The following NEB variants were observed in gnomAD, a reference collection of about 807,000 sequenced individuals.
NEB encodes nemaline myopathy type 2.
Under a neutral mutation model 952.2 loss-of-function variants are expected in NEB, and 512 were observed. The observed-to-expected ratio is 0.54, with a 90% CI of 0.50 to 0.58. NEB has a LOEUF of 0.58. Among genes scored for constraint, NEB ranks in the 20% least tolerant of loss-of-function variants. NEB has a pLI of 0.00. For missense variants in NEB, 8,428 were observed against 9,231.1 expected, an observed-to-expected ratio of 0.91 and a Z score of 3.56; for synonymous variants, 2,900 against 3,149.8, an observed-to-expected ratio of 0.92 and a Z score of 2.66.
Position 151,560,683 on chromosome 2 carries a change from G to A in NEB, c.19223C>T (p.Ala6408Val), listed in dbSNP as rs977096470. Reference sequence around the variant, plus strand: ...GCTGGTGGCTTTCACTCTATCCCAGGCCTCCTTGTACAGGTTCTGCAGGAA... The same window carrying A: ...GCTGGTGGCTTTCACTCTATCCCAGACCTCCTTGTACAGGTTCTGCAGGAA... ...NLYSSNLYKE[A>V]WDRVKATSYI... is the part of the protein sequence containing the mutation. Residue 6408 changes from alanine to valine, a missense_variant, in exon 124 of 182, where the codon GCC becomes GTC. Transcript: ENST00000397345. 2.5e-6 allele frequency: 4 copies of A among 1,611,136 alleles called. No homozygotes were observed. The highest frequency in any genetic ancestry group is 2.2e-5 in the East Asian group (1 of 44,740).
Position 151,533,564 on chromosome 2 carries a change from A to G in NEB, c.21313-18T>C. ...TATTTTCTCTGTCCATGCAAAGAGC[A>G]GTGAAGCACAAAAGAGACTTATGAA... On this transcript the variant is annotated intron_variant, in intron 142 of 181. Transcript: ENST00000397345. The G allele has an allele frequency of 6.8e-7, 1 of 1,475,464 alleles. No homozygotes were observed. The highest frequency in any genetic ancestry group is 9.3e-7 in the Non-Finnish European group (1 of 1,080,416). 91.4% of individuals were successfully genotyped at this position (1,475,464 alleles called of 1,614,324 possible). A position where few individuals can be genotyped will look rare whatever the true frequency, so the allele number is the denominator to read the frequency against.
intron 143 of NEB, among the ~76,000 whole-genome samples, chr2:151,532,731 G>A (rs1355455443): frequency 1.6e-5 from 2 of 124,762 alleles, no homozygotes; most frequent in Non-Finnish European, 3.4e-5. Flanking sequence ...GTTGCTAAGA[G>A]GAAAGCTCAA....
At chr2:151,514,185 G>T in intron 159 of NEB, 133 bp downstream of exon 159, 1 of 663,086 alleles carries the variant, frequency 1.5e-6, no homozygotes. Context: ...CAATTATGTT[G>T]ATATGGAATC....
At chr2:151,702,750 C>G (rs191490930) in intron 13 of NEB, among the ~76,000 whole-genome samples, 1 of 152,166 alleles carries the variant, frequency 6.6e-6, no homozygotes, top group Admixed American at 6.5e-5. Context: ...TTATTTTGAG[C>G]CTATGTGTGT....
chr2:151,728,507 G>A (rs960912406), intron 4 of NEB, among the ~76,000 whole-genome samples: 5 of 152,094 alleles, frequency 3.3e-5, no homozygotes, highest in African/African-American at 1.2e-4. Context: ...AATGTGAACC[G>A]GAGTGCCATT....
At chr2:151,530,381 G>GCTCTTCT (rs2089993024) in intron 145 of NEB, among the ~76,000 whole-genome samples, 1 of 152,092 alleles carries the variant, frequency 6.6e-6, no homozygotes, top group Non-Finnish European at 1.5e-5. Context: ...AAATTTCAGG[G>GCTCTTCT]TCGAGGGCCT....
chr2:151,657,861 T>C (rs1255287544), intron 48 of NEB, 122 bp downstream of exon 48: 4 of 716,882 alleles, frequency 5.6e-6, no homozygotes, highest in Non-Finnish European at 9.4e-6. Flanking sequence ...TTAAGAAGCA[T>C]TCACAGAGAG....
At position 151,576,426 on chromosome 2, in the gene NEB, T is replaced by C. The variant is rs2153809318; in HGVS notation, c.16705-72A>G. 4 of 996,162 alleles carry C rather than the reference T, an allele frequency of 4.0e-6. No homozygotes were observed. In the South Asian group the frequency reaches 9.1e-5, roughly 23 times the overall value. The allele number at this position is 996,162 out of a possible 1,614,324, so 61.7% of individuals were successfully genotyped here. On this transcript the variant is annotated intron_variant, in intron 105 of 181. Coordinates refer to ENST00000397345, the MANE Select transcript of NEB (RefSeq NM_001164508.2). Reference sequence around the variant, plus strand: ...TATGTGTGTGGTAAAATAAGGACAGTTTTTATGTTGTGTGTGTATATATTA... The same window carrying C: ...TATGTGTGTGGTAAAATAAGGACAGCTTTTATGTTGTGTGTGTATATATTA...
chr2:151,717,060 C>G (rs1017868686), intron 10 of NEB, among the ~76,000 whole-genome samples: 2 of 152,228 alleles, frequency 1.3e-5, no homozygotes, highest in Admixed American at 1.3e-4. Flanking sequence ...TATCCAAGGT[C>G]TTCACAGTGA....
At chr2:151,564,364 A>G (rs2153723694) in intron 117 of NEB, among the ~76,000 whole-genome samples, 1 of 152,166 alleles carries the variant, frequency 6.6e-6, no homozygotes, top group South Asian at 2.1e-4. Flanking sequence ...CGTGTTGGCC[A>G]AGCTGGTCTA....
chr2:151,697,686 G>T, intron 13 of NEB, 38 bp from the exon 14 acceptor site: 1 of 1,321,740 alleles, frequency 7.6e-7, no homozygotes, highest in Non-Finnish European at 1.1e-6. Context: ...GTAGATTCCT[G>T]TCACTCCCAC....
chr2:151,724,524 A>T (rs929060191), intron 7 of NEB, among the ~76,000 whole-genome samples, 160 bp from the exon 8 acceptor site: 1 of 152,214 alleles, frequency 6.6e-6, no homozygotes, highest in Non-Finnish European at 1.5e-5. Flanking sequence ...TACTTTTCCT[A>T]CAATAGTCAG....
intron 168 of NEB, 82 bp downstream of exon 168, chr2:151,501,309 T>C (rs957200823): frequency 2.1e-6 from 2 of 931,066 alleles, no homozygotes; most frequent in African/African-American, 1.7e-5. Flanking sequence ...TTGATTATTA[T>C]AAAGGGATGA....
At chr2:151,574,862 A>G (rs1304933518) in intron 107 of NEB, among the ~76,000 whole-genome samples, 2 of 151,778 alleles carry the variant, frequency 1.3e-5, no homozygotes, top group Middle Eastern at 6.3e-3. Context: ...CTCCCAAGTA[A>G]CTTGGGCCAC....
At position 151,520,853 on chromosome 2, in the gene NEB, G is replaced by T. The variant is rs1005081374; in HGVS notation, c.22480-1085C>A. Among the ~76,000 whole-genome samples the T allele has an allele frequency of 2.0e-5, 3 of 150,314 alleles. No individual in the cohort carries two copies. In the East Asian group the frequency reaches 5.8e-4, roughly 29 times the overall value. On this transcript the variant is annotated intron_variant, in intron 153 of 181. Coordinates refer to ENST00000397345, the MANE Select transcript of NEB (RefSeq NM_001164508.2). Reference sequence around the variant, plus strand: ...CACTCCATCGTGGGCAACAGAGCAAGACCCTGTCTCACAAAATAAATAAGA... The same window carrying T: ...CACTCCATCGTGGGCAACAGAGCAATACCCTGTCTCACAAAATAAATAAGA...
chr2:151,528,518 CG>C (rs2088100392), intron 146 of NEB, among the ~76,000 whole-genome samples: 1 of 152,150 alleles, frequency 6.6e-6, no homozygotes, highest in Admixed American at 6.5e-5. Context: ...TCCTTCTATC[CG>C]TCTGCCCTCA....
chr2:151,538,311 C>T lies in NEB; in HGVS notation c.20893-67G>A, dbSNP rs1576713061. On this transcript the variant is annotated intron_variant, in intron 138 of 181. Coordinates refer to ENST00000397345, the MANE Select transcript of NEB (RefSeq NM_001164508.2). The stretch of plus-strand genomic sequence containing the variant: ...AGTTAAATAATTGAGCTCTTTTAAG[C>T]ATGAACTCTCTTGTCTTCTCTCTGG... 2.6e-6 allele frequency: 3 copies of T among 1,174,466 alleles called. No individual in the cohort carries two copies. The East Asian group carries it at 7.0e-5, about 27-fold the overall frequency. 72.8% of individuals were successfully genotyped at this position (1,174,466 alleles called of 1,614,324 possible). A position where few individuals can be genotyped will look rare whatever the true frequency, so the allele number is the denominator to read the frequency against.
Position 151,680,035 on chromosome 2 carries a change from A to G in NEB, c.3043-13T>C. The G allele has an allele frequency of 1.3e-6, 2 of 1,542,048 alleles. No individual in the cohort carries two copies. The highest frequency in any genetic ancestry group is 1.8e-6 in the Non-Finnish European group (2 of 1,114,746). On this transcript the variant is annotated splice_polypyrimidine_tract_variant and intron_variant, in intron 30 of 181. Transcript: ENST00000397345. ...CTTTGTAAGCGATCTGAAAGAGAAAAAAATGCATAAACAAACAAATAAAGT... is the reference window on the plus strand; with the variant it reads ...CTTTGTAAGCGATCTGAAAGAGAAAGAAATGCATAAACAAACAAATAAAGT...
rs772227634 is a variant in NEB at position 151,666,247 on chromosome 2, T to A, written c.4874A>T (p.Tyr1625Phe). Residue 1625 changes from tyrosine (Y) to phenylalanine (F), a missense_variant, in exon 41 of 182, where the codon TAC (tyrosine) becomes TTC (phenylalanine). Physicochemically the swap from Tyr to Phe is conservative, Grantham distance 22 (BLOSUM62 3). Around this residue, in one of 11 missense-constraint regions of NEB, gnomAD observed 2,851 missense variants for 2,791.5 expected, o/e 1.02. Transcript: ENST00000397345. ...ACTGACCATATCCAGAGGTGTGTGG[T>A]ACTTGGTCTTGCTGGCTTCATAGCC... ...KKGYEASKTKYHTPLDMVSVT... is the reference protein window; with the variant it reads ...KKGYEASKTKFHTPLDMVSVT... The A allele has an allele frequency of 1.2e-6, 2 of 1,613,968 alleles. No homozygotes were observed. Among genetic ancestry groups the A allele is most frequent in the South Asian group, 2.2e-5 (2 of 91,088 alleles).
Sources: allele counts gnomAD v4.1 joint callset (sites outside exome capture counted in the v4.1 genomes callset), GRCh38; gene constraint gnomAD v4.1.1; regional missense constraint gnomAD v4.1.1; transcripts MANE v1.5; gene names NCBI Gene and HGNC (gene_info 2026-07-23, HGNC 2026-07-21).